The following MEGF10 variants were observed in gnomAD, a reference collection of about 807,000 sequenced individuals.
MEGF10 encodes the protein multiple EGF like domains 10.
Under a neutral mutation model 147.5 loss-of-function variants are expected in MEGF10, and 86 were observed. That is an observed-to-expected ratio of 0.58 (90% confidence interval 0.49 to 0.70). The LOEUF is 0.70. MEGF10 is among the 30% of genes least tolerant of loss of function. MEGF10 has a pLI of 0.00. For synonymous variants in MEGF10, 478 were observed against 525.5 expected, an observed-to-expected ratio of 0.91 and a Z score of 1.24; for missense variants, 1,329 against 1,487.3, an observed-to-expected ratio of 0.89 and a Z score of 1.75.
chr5:127,438,585 T>C lies in MEGF10; in HGVS notation c.2233+18T>C. ...CACTCAGAGTAAGTGACAAGCCTTC[T>C]GAGGCTCACCAAGGGGAGCCTTGTC... On this transcript the variant is annotated intron_variant, in intron 17 of 24. Coordinates refer to ENST00000503335, the MANE Select transcript of MEGF10 (RefSeq NM_001256545.2). 6.2e-7 allele frequency: 1 copy of C among 1,612,698 alleles called. No individual in the cohort carries two copies. The highest frequency in any genetic ancestry group is 8.5e-7 in the Non-Finnish European group (1 of 1,179,240).
At chr5:127,423,134 G>A (rs1765082939) in intron 13 of MEGF10, among the ~76,000 whole-genome samples, 1 of 152,032 alleles carries the variant, frequency 6.6e-6, no homozygotes, top group Non-Finnish European at 1.5e-5. Context: ...CCTTAGTGAG[G>A]CAAAAAAATA....
chr5:127,422,157 G>A (rs765708442), intron 12 of MEGF10, among the ~76,000 whole-genome samples: 1 of 152,078 alleles, frequency 6.6e-6, no homozygotes, highest in Non-Finnish European at 1.5e-5. Context: ...GGGTTTGAGT[G>A]ACTTTAAAAC....
intron 4 of MEGF10, among the ~76,000 whole-genome samples, chr5:127,340,881 G>A (rs776176595): frequency 2.6e-5 from 4 of 152,082 alleles, no homozygotes; most frequent in African/African-American, 7.2e-5. Flanking sequence ...ATTCAAGGCC[G>A]GATGTGGTGA....
At chr5:127,326,536 A>G (rs1428373098) in intron 1 of MEGF10, among the ~76,000 whole-genome samples, 1 of 152,170 alleles carries the variant, frequency 6.6e-6, no homozygotes, top group Non-Finnish European at 1.5e-5. Context: ...GCAACCAGCA[A>G]GCATTACTCA....
At chr5:127,246,281 A>C in the MEGF10 span, among the ~76,000 whole-genome samples, 1 of 152,212 alleles carries the variant, frequency 6.6e-6, no homozygotes, top group African/African-American at 2.4e-5. Flanking sequence ...AGCCGTAAGA[A>C]GAATGAGTTC....
intron 1 of MEGF10, among the ~76,000 whole-genome samples, chr5:127,306,854 G>A (rs554828837): frequency 6.6e-6 from 1 of 152,194 alleles, no homozygotes; most frequent in Non-Finnish European, 1.5e-5. Context: ...TGGGTTGTGG[G>A]GGGTGGTGGA....
Position 127,459,663 on chromosome 5 carries a change from G to A in MEGF10, c.*2345G>A, listed in dbSNP as rs975253003. 4 of 152,148 alleles carry A rather than the reference G, an allele frequency of 2.6e-5. No homozygotes were observed. Among genetic ancestry groups the A allele is most frequent in the African/African-American group, 9.7e-5 (4 of 41,426 alleles). The allele number at this position is 152,148 out of a possible 1,614,324, so 9.4% of individuals were successfully genotyped here. On this transcript the variant is annotated 3_prime_UTR_variant, in exon 25 of 25. Coordinates refer to ENST00000503335, the MANE Select transcript of MEGF10 (RefSeq NM_001256545.2). ...AAAAGAAAATCTGGACAATAGATGT[G>A]GACTCCAAGGGGCCACTGCCATCCC...
chr5:127,259,139 T>G, the MEGF10 span, among the ~76,000 whole-genome samples: 3 of 152,100 alleles, frequency 2.0e-5, no homozygotes, highest in African/African-American at 7.2e-5. Flanking sequence ...GAGGATACAG[T>G]GAGGCTGATT....
At chr5:127,364,044 T>C (rs952077452) in intron 4 of MEGF10, among the ~76,000 whole-genome samples, 4 of 152,230 alleles carry the variant, frequency 2.6e-5, no homozygotes, top group African/African-American at 9.6e-5. Flanking sequence ...TTATCTTTCA[T>C]GAGATCCCCT....
intron 4 of MEGF10, among the ~76,000 whole-genome samples, chr5:127,363,094 C>G (rs951030154): frequency 6.6e-6 from 1 of 152,198 alleles, no homozygotes; most frequent in African/African-American, 2.4e-5. Flanking sequence ...CCCACTTGCA[C>G]TAGGTCGTGA....
intron 1 of MEGF10, among the ~76,000 whole-genome samples, chr5:127,321,122 G>C (rs538105634): frequency 2.0e-5 from 3 of 152,316 alleles, no homozygotes; most frequent in African/African-American, 4.8e-5. Flanking sequence ...TTGACTGTAA[G>C]TTAAGAGAAC....
At chr5:127,406,221 A>C (rs987306971) in intron 8 of MEGF10, among the ~76,000 whole-genome samples, 12 of 152,196 alleles carry the variant, frequency 7.9e-5, no homozygotes, top group Non-Finnish European at 1.3e-4. Flanking sequence ...TTTCATCTGG[A>C]GTACAGGGAA....
chr5:127,306,768 C>T (rs568518846), intron 1 of MEGF10, among the ~76,000 whole-genome samples: 24 of 152,178 alleles, frequency 1.6e-4, no homozygotes, highest in Non-Finnish European at 3.2e-4. Flanking sequence ...AGCGGAGCTA[C>T]CTAAGGAGAG....
intron 4 of MEGF10, 69 bp from the exon 5 acceptor site, chr5:127,369,841 A>C: frequency 1.7e-6 from 2 of 1,203,190 alleles, no homozygotes; most frequent in Non-Finnish European, 2.4e-6. Context: ...TTGGATGTGC[A>C]ACAGCTGTGT....
rs1765735243 is a variant in MEGF10, at chr5:127,440,933, C to T, written c.2362+66C>T. The T allele has an allele frequency of 1.9e-6, 3 of 1,573,584 alleles. No individual in the cohort carries two copies. In the Admixed American group the frequency reaches 5.2e-5, roughly 27 times the overall value. On this transcript the variant is annotated intron_variant, in intron 18 of 24. Coordinates refer to ENST00000503335, the MANE Select transcript of MEGF10 (RefSeq NM_001256545.2). ...CCTCTAGAATCACATTTCCTAGATGCCAGGAAATATTAAGGCAGAATTCAC... is the reference window on the plus strand; with the variant it reads ...CCTCTAGAATCACATTTCCTAGATGTCAGGAAATATTAAGGCAGAATTCAC...
chr5:127,260,021 G>A, the MEGF10 span, among the ~76,000 whole-genome samples: 12 of 152,006 alleles, frequency 7.9e-5, no homozygotes, highest in Non-Finnish European at 8.8e-5. Flanking sequence ...GCCAGGCATG[G>A]TGGTGTGTGC....
At chr5:127,333,409 G>A (rs769926020) in intron 2 of MEGF10, among the ~76,000 whole-genome samples, 117 of 152,054 alleles carry the variant, frequency 7.7e-4, no homozygotes, top group Non-Finnish European at 1.1e-3. Flanking sequence ...CTACTTGGGG[G>A]GCTGAGGCAC....
At chr5:127,445,384 G>GT (rs1765904708) in intron 19 of MEGF10, 73 bp from the exon 20 acceptor site, 1 of 1,175,794 alleles carries the variant, frequency 8.5e-7, no homozygotes, top group Non-Finnish European at 1.3e-6. Flanking sequence ...ACAGAAGGAG[G>GT]TTTTTGTAAG....
Position 127,447,611 on chromosome 5 carries a change from C to T in MEGF10, c.2783C>T (p.Pro928Leu). ...GNANSHYFTNPSYHTLTQCAT... is the reference protein window; with the variant it reads ...GNANSHYFTNLSYHTLTQCAT... ...GCTAATAGCCACTACTTCACCAATC[C>T]CAGTTACCACACGCTCACCCAGTGT... Residue 928 changes from proline to leucine, a missense_variant, in exon 21 of 25, where the codon CCC becomes CTC. By Grantham distance (98) the Pro-to-Leu change is moderately conservative. Coordinates refer to ENST00000503335, the MANE Select transcript of MEGF10 (RefSeq NM_001256545.2). 1.2e-6 allele frequency: 2 copies of T among 1,614,178 alleles called. No individual in the cohort carries two copies. Among genetic ancestry groups the T allele is most frequent in the Non-Finnish European group, 1.7e-6 (2 of 1,180,014 alleles).
Sources: allele counts gnomAD v4.1 joint callset (sites outside exome capture counted in the v4.1 genomes callset), GRCh38; gene constraint gnomAD v4.1.1; transcripts MANE v1.5; gene names NCBI Gene and HGNC (gene_info 2026-07-23, HGNC 2026-07-21).